TRIO: variants seen among roughly 807,000 people sequenced by gnomAD.
TRIO encodes the protein trio Rho guanine nucleotide exchange factor.
TRIO carries 58 observed loss-of-function variants against 351.9 expected under a neutral mutation model. The ratio of observed to expected loss-of-function variants is 0.16; its 90% CI spans 0.13 to 0.21. The LOEUF (loss-of-function observed/expected upper bound fraction) is 0.21, where lower values mean the gene tolerates loss of function less well. Among genes scored for constraint, TRIO ranks in the 10% least tolerant of loss-of-function variants. The pLI is 1.00. For synonymous variants in TRIO, 1,758 were observed against 1,595.7 expected (o/e 1.10, Z -2.42); for missense variants, 3,201 against 4,027.8 (o/e 0.79, Z 5.56).
chr5:14,498,445 G>A (rs1561563604), intron 52 of TRIO, 74 bp from the exon 53 acceptor site: 20 of 1,556,980 alleles, frequency 1.3e-5, no homozygotes, highest in Non-Finnish European at 1.6e-5. Context: ...CCTTGATCCT[G>A]AAGGAGGAGG....
At position 14,194,090 on chromosome 5, in the gene TRIO, C is replaced by G. The variant is rs75647978; in HGVS notation, c.157+50208C>G. 5.7e-3 allele frequency among the ~76,000 whole-genome samples: 862 copies of G among 152,292 alleles called. 9 individuals carry two copies. Among genetic ancestry groups the G allele is most frequent in the African/African-American group, 0.019 (810 of 41,548 alleles). On this transcript the variant is annotated intron_variant, in intron 1 of 56. Coordinates refer to ENST00000344204, the MANE Select transcript of TRIO (RefSeq NM_007118.4). ...AGGTTCGGGGACATAGACATAGCTT[C>G]TGTCCACTCAAATGTTGAATATCCC...
At chr5:14,179,234 A>G (rs1561169820) in intron 1 of TRIO, among the ~76,000 whole-genome samples, 1 of 152,138 alleles carries the variant, frequency 6.6e-6, no homozygotes, top group Non-Finnish European at 1.5e-5. Context: ...GGAGAGAGAA[A>G]TCCTGTTTAG....
At chr5:14,322,383 A>C (rs983515559) in intron 9 of TRIO, among the ~76,000 whole-genome samples, 2 of 152,204 alleles carry the variant, frequency 1.3e-5, no homozygotes, top group South Asian at 2.1e-4. Context: ...ATTTCAGTGC[A>C]TGGGAATTTT....
At chr5:14,283,323 G>A (rs1303138481) in intron 3 of TRIO, among the ~76,000 whole-genome samples, 2 of 152,100 alleles carry the variant, frequency 1.3e-5, no homozygotes, top group Admixed American at 6.6e-5. Context: ...GCAGCCCTTC[G>A]GCCATTCCTC....
In TRIO at chr5:14,316,510, C is replaced by T; in HGVS notation, c.1501-3C>T. On this transcript the variant is annotated splice_region_variant and splice_polypyrimidine_tract_variant and intron_variant, in intron 8 of 56. Transcript: ENST00000344204. ...AAGAATCACTCATTTCTTTTGTGGG[C>T]AGGTCAGCCAAGATGGGAAGTCGCT... The T allele has an allele frequency of 6.2e-7, 1 of 1,613,666 alleles. No individual in the cohort carries two copies.
intron 21 of TRIO, among the ~76,000 whole-genome samples, chr5:14,382,757 G>T (rs1056041331): frequency 8.6e-5 from 13 of 152,038 alleles, no homozygotes; most frequent in African/African-American, 2.9e-4. Flanking sequence ...GTGTGTGTCT[G>T]TGTGTGTGTT....
At chr5:14,339,901 C>A (rs1177246705) in intron 11 of TRIO, among the ~76,000 whole-genome samples, 1 of 151,984 alleles carries the variant, frequency 6.6e-6, no homozygotes, top group Non-Finnish European at 1.5e-5. Context: ...AAGCTTAGAA[C>A]AAGTTTAATT....
At chr5:14,155,678 T>A (rs925809907) in intron 1 of TRIO, among the ~76,000 whole-genome samples, 1 of 152,230 alleles carries the variant, frequency 6.6e-6, no homozygotes, top group Non-Finnish European at 1.5e-5. Context: ...GGCTGTGCAT[T>A]TTTGGCAGAA....
At chr5:14,439,615 C>G (rs1751864052) in intron 34 of TRIO, among the ~76,000 whole-genome samples, 1 of 152,132 alleles carries the variant, frequency 6.6e-6, no homozygotes, top group South Asian at 2.1e-4. Flanking sequence ...TTTTTGCTAA[C>G]AAAAGAGGAG....
At chr5:14,496,714 T>TA (rs200664777) in intron 49 of TRIO, among the ~76,000 whole-genome samples, 165 bp from the exon 50 acceptor site, 2,423 of 152,050 alleles carry the variant, frequency 0.016, 21 homozygotes, top group Non-Finnish European at 0.025. Context: ...TCCTGGTTCT[T>TA]AAAAAAAAGG....
chr5:14,447,753 T>C (rs79929310), intron 34 of TRIO, among the ~76,000 whole-genome samples: 5,042 of 152,330 alleles, frequency 0.033, 267 homozygotes, highest in African/African-American at 0.11. Flanking sequence ...CACTTCCATA[T>C]GCCTTCTTCA....
At chr5:14,427,228 C>T (rs1174604991) in intron 34 of TRIO, among the ~76,000 whole-genome samples, 1 of 152,192 alleles carries the variant, frequency 6.6e-6, no homozygotes, top group African/African-American at 2.4e-5. Flanking sequence ...AACATCTCGC[C>T]TGGTGAGGTC....
At chr5:14,368,587 G>A in intron 16 of TRIO, 121 bp from the exon 17 acceptor site, 8 of 1,074,732 alleles carry the variant, frequency 7.4e-6, no homozygotes, top group Non-Finnish European at 5.3e-6. Context: ...ATCCTAGTGA[G>A]TATTAACTGA....
chr5:14,331,233 A>T (rs1002200746), intron 10 of TRIO, among the ~76,000 whole-genome samples: 3 of 152,230 alleles, frequency 2.0e-5, no homozygotes, highest in African/African-American at 7.2e-5. Context: ...CTATAGTAGT[A>T]GGCTAAGCCT....
chr5:14,449,853 C>T (rs1752719423), intron 34 of TRIO, among the ~76,000 whole-genome samples: 2 of 152,274 alleles, frequency 1.3e-5, no homozygotes, highest in South Asian at 2.1e-4. Context: ...AGGATCTTAC[C>T]ATCTGTTTTC....
intron 11 of TRIO, among the ~76,000 whole-genome samples, chr5:14,344,782 T>C (rs1234917173): frequency 6.6e-6 from 1 of 152,212 alleles, no homozygotes; most frequent in Non-Finnish European, 1.5e-5. Flanking sequence ...TCTGATCCTA[T>C]TCTTAACATC....
In TRIO at chr5:14,181,871, T is replaced by C. The variant is rs148307383; in HGVS notation, c.157+37989T>C. 5.5e-3 allele frequency among the ~76,000 whole-genome samples: 832 copies of C among 152,270 alleles called. 7 individuals are homozygous for C. Among genetic ancestry groups the C allele is most frequent in the African/African-American group, 0.019 (783 of 41,540 alleles). Reference sequence around the variant, plus strand: ...CCCCACTTGCCCTCACTATTCCTTTTCTGGTAGTTTCTACACTCCGGGCTG... The same window carrying C: ...CCCCACTTGCCCTCACTATTCCTTTCCTGGTAGTTTCTACACTCCGGGCTG... On this transcript the variant is annotated intron_variant, in intron 1 of 56. Coordinates refer to ENST00000344204, the MANE Select transcript of TRIO (RefSeq NM_007118.4).
At chr5:14,218,254 T>A (rs780705168) in intron 1 of TRIO, among the ~76,000 whole-genome samples, 2 of 152,170 alleles carry the variant, frequency 1.3e-5, no homozygotes, top group Non-Finnish European at 2.9e-5. Context: ...ATTAGTGAAG[T>A]CGTCGGTTTA....
In TRIO at chr5:14,170,686, A is replaced by C. The variant is rs112435331; in HGVS notation, c.157+26804A>C. On this transcript the variant is annotated intron_variant, in intron 1 of 56. Transcript: ENST00000344204. ...CATGCCTGGCTAATTTTTGTACTTT[A>C]GTCGAGACGGGGTTTCACCATGTTG... is the stretch of plus-strand genomic sequence containing the variant. 8.6e-5 allele frequency among the ~76,000 whole-genome samples: 13 copies of C among 152,046 alleles called. 1 individual carries two copies. Among genetic ancestry groups the C allele is most frequent in the African/African-American group, 3.1e-4 (13 of 41,488 alleles).
Sources: allele counts gnomAD v4.1 joint callset (sites outside exome capture counted in the v4.1 genomes callset), GRCh38; gene constraint gnomAD v4.1.1; transcripts MANE v1.5; gene names NCBI Gene and HGNC (gene_info 2026-07-23, HGNC 2026-07-21).